The following GALNT3 variants were observed in gnomAD, a reference collection of about 807,000 sequenced individuals.
GALNT3 encodes the protein polypeptide N-acetylgalactosaminyltransferase 3.
A neutral mutation model predicts 69.8 loss-of-function variants in GALNT3; 51 were observed. That is an observed-to-expected ratio of 0.73 (90% CI 0.58 to 0.92). GALNT3 has a LOEUF of 0.92. Among genes scored for constraint, GALNT3 ranks in the 40% least tolerant of loss-of-function variants. The pLI, the probability that GALNT3 is intolerant of heterozygous loss-of-function variation, is 0.00. For synonymous variants in GALNT3, 265 were observed against 248.5 expected (o/e 1.07, Z -0.63); for missense variants, 711 against 760.0 (o/e 0.94, Z 0.76).
intron 3 of GALNT3, among the ~76,000 whole-genome samples, chr2:165,763,748 G>A (rs546605600): frequency 6.6e-6 from 1 of 152,104 alleles, no homozygotes; most frequent in African/African-American, 2.4e-5. Flanking sequence ...TGAACTTCCC[G>A]TAAATTTATA....
chr2:165,787,945 T>C (rs992432107), intron 1 of GALNT3, among the ~76,000 whole-genome samples: 12 of 152,270 alleles, frequency 7.9e-5, no homozygotes, highest in Admixed American at 4.6e-4. Flanking sequence ...AGTAAAAAGA[T>C]AGAAGTAACA....
chr2:165,757,278 C>T lies in GALNT3; in HGVS notation c.1192-31G>A, dbSNP rs41268663. On this transcript the variant is annotated intron_variant, in intron 6 of 10. Coordinates refer to ENST00000392701, the MANE Select transcript of GALNT3 (RefSeq NM_004482.4). The stretch of plus-strand genomic sequence containing the variant: ...AATTAATGATATTTGTTTAAATTTA[C>T]AGTATTTTAGAAAAATCAAAGTGTT... 6.6e-3 allele frequency: 10,576 copies of T among 1,601,862 alleles called. 45 individuals carry two copies. The highest frequency in any genetic ancestry group is 7.4e-3 in the Non-Finnish European group (8,644 of 1,169,998).
At position 165,750,035 on chromosome 2, in the gene GALNT3, CAT is replaced by C. The variant is rs1285817454; in HGVS notation, c.1627-143_1627-142del. The C allele has an allele frequency of 3.7e-6, 3 of 818,312 alleles. No individual in the cohort carries two copies. The African/African-American group carries it at 5.1e-5, about 14-fold the overall frequency. The allele number at this position is 818,312 out of a possible 1,614,324, so 50.7% of individuals were successfully genotyped here. On this transcript the variant is annotated intron_variant, in intron 9 of 10. Coordinates refer to ENST00000392701, the MANE Select transcript of GALNT3 (RefSeq NM_004482.4). ...ATACAATAAAAATAGTTATTAGAAA[CAT>C]AAGCTGAGTTTTTGTGATAGACGAT...
At chr2:165,775,896 A>G (rs1688837343) in intron 1 of GALNT3, among the ~76,000 whole-genome samples, 1 of 152,214 alleles carries the variant, frequency 6.6e-6, no homozygotes, top group Non-Finnish European at 1.5e-5. Context: ...TAATAAGCCA[A>G]AGATGGGTGT....
At chr2:165,767,593 T>C (rs878950610) in intron 2 of GALNT3, among the ~76,000 whole-genome samples, 11 of 152,178 alleles carry the variant, frequency 7.2e-5, no homozygotes, top group African/African-American at 2.4e-4. Context: ...ATAAACCCCA[T>C]TCATTTTGAA....
At chr2:165,761,206 C>CTCATTCAT (rs777219215) in intron 4 of GALNT3, among the ~76,000 whole-genome samples, 1 of 151,900 alleles carries the variant, frequency 6.6e-6, no homozygotes, top group South Asian at 2.1e-4. Flanking sequence ...TATTCACTCA[C>CTCATTCAT]TCATTCATTC....
chr2:165,784,194 T>C (rs1045982338), intron 1 of GALNT3, among the ~76,000 whole-genome samples: 2 of 152,102 alleles, frequency 1.3e-5, no homozygotes, highest in African/African-American at 2.4e-5. Flanking sequence ...AAGCTCCAAA[T>C]AGGGGAGGGT....
At chr2:165,750,659 T>C (rs1381812781) in intron 9 of GALNT3, among the ~76,000 whole-genome samples, 2 of 152,192 alleles carry the variant, frequency 1.3e-5, no homozygotes, top group Non-Finnish European at 2.9e-5. Context: ...TTTAAAGCAT[T>C]GGTTTGATCC....
intron 3 of GALNT3, among the ~76,000 whole-genome samples, chr2:165,764,488 T>C (rs1351973673): frequency 1.3e-5 from 2 of 152,186 alleles, no homozygotes; most frequent in African/African-American, 4.8e-5. Flanking sequence ...ATATATTTAA[T>C]GAAATATGGC....
intron 1 of GALNT3, among the ~76,000 whole-genome samples, chr2:165,779,996 C>T (rs1362046181): frequency 6.6e-6 from 1 of 152,144 alleles, no homozygotes; most frequent in African/African-American, 2.4e-5. Context: ...AGGAAGAAAT[C>T]CAGTATAATG....
At chr2:165,758,550 T>C (rs1408040743) in intron 6 of GALNT3, 197 bp downstream of exon 6, 4 of 469,742 alleles carry the variant, frequency 8.5e-6, no homozygotes, top group South Asian at 2.8e-5. Context: ...TTCCTCTTGT[T>C]ACACTGGCGA....
chr2:165,761,009 G>A (rs1392171487), intron 4 of GALNT3, among the ~76,000 whole-genome samples: 2 of 151,914 alleles, frequency 1.3e-5, no homozygotes, highest in African/African-American at 4.8e-5. Flanking sequence ...AGATGGGATG[G>A]GGCACCCCTA....
rs540533361 is a variant in GALNT3 at position 165,794,158 on chromosome 2, G to A, written c.-252C>T. The A allele has an allele frequency of 3.6e-4, 55 of 152,848 alleles. No homozygotes were observed. The highest frequency in any genetic ancestry group is 7.0e-4 in the Non-Finnish European group (48 of 68,414). 9.5% of individuals were successfully genotyped at this position (152,848 alleles called of 1,614,324 possible). On this transcript the variant is annotated 5_prime_UTR_variant, in exon 1 of 11. Coordinates refer to ENST00000392701, the MANE Select transcript of GALNT3 (RefSeq NM_004482.4). ...GGCTCAGTAGAGCTCCTCCTCCGCC[G>A]CCGCCTCCTGCCTTCCCGCTGGGCC...
chr2:165,776,121 T>C (rs557636112), intron 1 of GALNT3, among the ~76,000 whole-genome samples: 1 of 152,248 alleles, frequency 6.6e-6, no homozygotes, highest in East Asian at 1.9e-4. Context: ...AATTGATACC[T>C]GAACAATAAA....
At position 165,754,740 on chromosome 2, in the gene GALNT3, T is replaced by A. The variant is rs1053144893; in HGVS notation, c.1525-12A>T. On this transcript the variant is annotated splice_polypyrimidine_tract_variant and intron_variant, in intron 8 of 10. Transcript: ENST00000392701. ...CCAACGCTTTTAATCTAAAGGAAAATTTTCAAGTTATGAAAAGTTTTTTAA... is the reference window on the plus strand; with the variant it reads ...CCAACGCTTTTAATCTAAAGGAAAAATTTCAAGTTATGAAAAGTTTTTTAA... The A allele has an allele frequency of 1.2e-6, 2 of 1,600,224 alleles. No homozygotes were observed. Among genetic ancestry groups the A allele is most frequent in the Non-Finnish European group, 1.7e-6 (2 of 1,170,094 alleles).
intron 3 of GALNT3, among the ~76,000 whole-genome samples, chr2:165,763,024 C>A (rs1688580043): frequency 6.7e-6 from 1 of 150,196 alleles, no homozygotes; most frequent in Admixed American, 6.6e-5. Context: ...TGGTCTGGAA[C>A]TCCTGAACTC....
intron 2 of GALNT3, among the ~76,000 whole-genome samples, chr2:165,767,491 T>A (rs1248712909): frequency 6.6e-6 from 1 of 152,210 alleles, no homozygotes; most frequent in East Asian, 1.9e-4. Flanking sequence ...TCCGTCAGTT[T>A]AAACTAGGAT....
At position 165,761,937 on chromosome 2, in the gene GALNT3, G is replaced by C. The variant is rs780918934; in HGVS notation, c.806C>G (p.Thr269Arg). The change falls in exon 4 of 11, where the codon ACA (threonine) becomes AGA (arginine). Residue 269 changes from threonine (T) to arginine (R), a missense_variant. By Grantham distance (71) the Thr-to-Arg change is moderately conservative (BLOSUM62 -1). Transcript: ENST00000392701. ...ATCTAAAAATGTGAGCGTTTCAGCT[G>C]TTGCGACTGTTGCTCCTAGCAACCG... ...TARLLGATVA[T>R]AETLTFLDAH... is the part of the protein sequence containing the mutation. 2 of 1,614,060 alleles carry C rather than the reference G, an allele frequency of 1.2e-6. No individual in the cohort carries two copies. Among genetic ancestry groups the C allele is most frequent in the South Asian group, 1.1e-5 (1 of 91,070 alleles).
At chr2:165,758,997 G>T in intron 5 of GALNT3, 133 bp from the exon 6 acceptor site, 1 of 718,836 alleles carries the variant, frequency 1.4e-6, no homozygotes, top group Non-Finnish European at 2.4e-6. Flanking sequence ...ATAAAAACTA[G>T]AAATGCTATC....
Sources: gnomAD v4.1 joint callset for allele counts (sites outside exome capture counted in the v4.1 genomes callset) on GRCh38, gnomAD v4.1.1 for gene constraint, MANE v1.5 for transcripts, NCBI Gene and HGNC (gene_info 2026-07-23, HGNC 2026-07-21) for gene names.